AIG1: variants seen among roughly 807,000 people sequenced by gnomAD.
The protein encoded by AIG1 is androgen-induced gene 1 protein.
Under a neutral mutation model 31.4 loss-of-function variants are expected in AIG1, and 23 were observed. That is an observed-to-expected ratio of 0.73 (90% CI 0.53 to 1.04). The LOEUF (loss-of-function observed/expected upper bound fraction) is 1.04. AIG1 is among the 50% of genes least tolerant of loss of function. The pLI is 0.00. For missense variants in AIG1, 274 were observed against 295.0 expected, an observed-to-expected ratio of 0.93 and a Z score of 0.52; for synonymous variants, 100 against 110.5, an observed-to-expected ratio of 0.90 and a Z score of 0.60.
intron 1 of AIG1, among the ~76,000 whole-genome samples, chr6:143,106,753 A>G (rs1780838875): frequency 6.6e-6 from 1 of 152,170 alleles, no homozygotes; most frequent in Non-Finnish European, 1.5e-5. Context: ...ATAAGGAAAT[A>G]TCATAGACTA....
At chr6:143,190,521 G>A (rs1443377605) in intron 3 of AIG1, 2 of 984,824 alleles carry the variant, frequency 2.0e-6, no homozygotes, top group Non-Finnish European at 2.4e-6. Flanking sequence ...GAATTTCATT[G>A]TCCTGTTCTT....
intron 3 of AIG1, among the ~76,000 whole-genome samples, chr6:143,277,648 C>T (rs1797038472): frequency 6.6e-6 from 1 of 152,200 alleles, no homozygotes; most frequent in Non-Finnish European, 1.5e-5. Flanking sequence ...CTGCCTGTAT[C>T]CTACAGGTGC....
chr6:143,189,058 CTTT>C, intron 3 of AIG1: 2 of 953,418 alleles, frequency 2.1e-6, no homozygotes, highest in Non-Finnish European at 2.5e-6. Flanking sequence ...TTTTTGGAGA[CTTT>C]TTAAGAGTCT....
chr6:143,190,719 TA>T, intron 3 of AIG1: 10 of 558,652 alleles, frequency 1.8e-5, no homozygotes, highest in Non-Finnish European at 2.3e-5. Flanking sequence ...TTTGCTTTCC[TA>T]TCTTATCATT....
chr6:143,274,915 A>G (rs112994680), intron 3 of AIG1, among the ~76,000 whole-genome samples: 11 of 152,246 alleles, frequency 7.2e-5, no homozygotes, highest in African/African-American at 2.4e-4. Flanking sequence ...AATGTCTAGT[A>G]TAAACTCAGC....
At position 143,060,924 on chromosome 6, in the gene AIG1, A is replaced by T; in HGVS notation, c.-2A>T. On this transcript the variant is annotated 5_prime_UTR_variant, in exon 1 of 6. Transcript: ENST00000357847. ...CCCAGCCGGTCCAGGCCTCTGGCGAACATGGCGCTTGTCCCCTGCCAGGTG... is the reference window on the plus strand; with the variant it reads ...CCCAGCCGGTCCAGGCCTCTGGCGATCATGGCGCTTGTCCCCTGCCAGGTG... The T allele has an allele frequency of 6.2e-7, 1 of 1,605,856 alleles. No individual in the cohort carries two copies. Among genetic ancestry groups the T allele is most frequent in the Non-Finnish European group, 8.5e-7 (1 of 1,177,264 alleles).
In AIG1 at chr6:143,152,782, A is replaced by G. The variant is rs1040228295; in HGVS notation, c.298-12300A>G. On this transcript the variant is annotated intron_variant, in intron 2 of 5. Transcript: ENST00000357847. ...TTTTCGCCACACCCTACCCTCTCAC[A>G]ATGCACACCACCTTGCCAACCAGAC... is the stretch of plus-strand genomic sequence containing the variant. Among the ~76,000 whole-genome samples the G allele has an allele frequency of 4.4e-4, 67 of 152,126 alleles. 1 individual carries two copies. Among genetic ancestry groups the G allele is most frequent in the African/African-American group, 1.6e-3 (67 of 41,408 alleles).
chr6:143,271,230 C>T (rs1303796168), intron 3 of AIG1, among the ~76,000 whole-genome samples: 1 of 152,216 alleles, frequency 6.6e-6, no homozygotes, highest in African/African-American at 2.4e-5. Flanking sequence ...AGAGCACCAT[C>T]TCAGCCCATA....
chr6:143,311,523 T>A (rs1775272261), intron 4 of AIG1, among the ~76,000 whole-genome samples: 1 of 151,902 alleles, frequency 6.6e-6, no homozygotes, highest in Non-Finnish European at 1.5e-5. Context: ...TACCAATTGA[T>A]GTAATACACA....
At chr6:143,253,625 A>T (rs1402716487) in intron 3 of AIG1, among the ~76,000 whole-genome samples, 1 of 152,234 alleles carries the variant, frequency 6.6e-6, no homozygotes. Flanking sequence ...GTCACCAAGG[A>T]TGCATTTACT....
chr6:143,219,627 G>A lies in AIG1; in HGVS notation c.399+54444G>A, dbSNP rs182181722. The stretch of plus-strand genomic sequence containing the variant: ...CCTCTGATTGGAATAAGGGCCAGTG[G>A]CCTAGAATCCCACCCTCTTAACTCT... On this transcript the variant is annotated intron_variant, in intron 3 of 5. Coordinates refer to ENST00000357847, the MANE Select transcript of AIG1 (RefSeq NM_016108.4). Among the ~76,000 whole-genome samples the A allele has an allele frequency of 1.2e-4, 18 of 152,246 alleles. No individual in the cohort carries two copies. In the East Asian group the frequency reaches 1.7e-3, roughly 15 times the overall value.
intron 4 of AIG1, among the ~76,000 whole-genome samples, chr6:143,321,694 G>T (rs145024007): frequency 8.6e-4 from 131 of 152,296 alleles, no homozygotes; most frequent in African/African-American, 2.7e-3. Context: ...GAAACTAAAG[G>T]GCAGTTGGTG....
intron 4 of AIG1, among the ~76,000 whole-genome samples, chr6:143,295,915 A>C (rs1289430321): frequency 6.6e-6 from 1 of 152,186 alleles, no homozygotes; most frequent in Non-Finnish European, 1.5e-5. Context: ...CAGTATTCTA[A>C]GAGTTAATCC....
intron 3 of AIG1, among the ~76,000 whole-genome samples, chr6:143,215,984 A>T (rs1791999435): frequency 2.6e-5 from 4 of 152,162 alleles, no homozygotes; most frequent in Admixed American, 2.6e-4. Context: ...TTTTAATTAC[A>T]AAAACAGGTG....
chr6:143,222,426 G>A (rs1383936509), intron 3 of AIG1, among the ~76,000 whole-genome samples: 2 of 151,766 alleles, frequency 1.3e-5, no homozygotes, highest in Non-Finnish European at 2.9e-5. Flanking sequence ...ATGTCAATTC[G>A]TTCTGATTCT....
chr6:143,289,637 T>G (rs1055989633), intron 4 of AIG1, among the ~76,000 whole-genome samples: 1 of 152,218 alleles, frequency 6.6e-6, no homozygotes, highest in Non-Finnish European at 1.5e-5. Flanking sequence ...GATTATCTCC[T>G]AACTGGGCAA....
chr6:143,281,711 T>C (rs2067454056), intron 3 of AIG1, among the ~76,000 whole-genome samples: 1 of 152,234 alleles, frequency 6.6e-6, no homozygotes, highest in Admixed American at 6.5e-5. Context: ...ACGTACTATG[T>C]ATAAATAAAC....
At chr6:143,188,649 T>C in intron 3 of AIG1, 1 of 984,626 alleles carries the variant, frequency 1.0e-6, no homozygotes, top group Non-Finnish European at 1.2e-6. Context: ...TACACTTCTT[T>C]TAACAAATAA....
At chr6:143,095,508 C>T (rs1464017364) in intron 1 of AIG1, among the ~76,000 whole-genome samples, 3 of 152,018 alleles carry the variant, frequency 2.0e-5, no homozygotes, top group Admixed American at 2.0e-4. Context: ...CAGAAAATTA[C>T]CTAGTAAGGA....
Sources: allele counts gnomAD v4.1 joint callset (sites outside exome capture counted in the v4.1 genomes callset), GRCh38; gene constraint gnomAD v4.1.1; transcripts MANE v1.5; gene names NCBI Gene and HGNC (gene_info 2026-07-23, HGNC 2026-07-21).